ATP4A: variants seen among roughly 807,000 people sequenced by gnomAD.
ATP4A encodes potassium-transporting ATPase alpha chain 1.
In ATP4A, 73 loss-of-function variants were observed where a neutral mutation model predicts 112.1. The observed-to-expected ratio is 0.65, with a 90% CI of 0.54 to 0.79. The LOEUF (loss-of-function observed/expected upper bound fraction) is 0.79, where lower values mean the gene tolerates loss of function less well. ATP4A is among the 30% of genes least tolerant of loss of function. The pLI, the probability that ATP4A is intolerant of heterozygous loss-of-function variation, is 0.00. For missense variants in ATP4A, 1,081 were observed against 1,425.9 expected (o/e 0.76, Z 3.90); for synonymous variants, 588 against 588.9 (o/e 1.00, Z 0.02).
In ATP4A at chr19:35,562,469, T is replaced by C. The variant is rs1191874718; in HGVS notation, c.386A>G (p.Gln129Arg). The C allele has an allele frequency of 6.2e-7, 1 of 1,614,050 alleles. No individual in the cohort carries two copies. The highest frequency in any genetic ancestry group is 8.5e-7 in the Non-Finnish European group (1 of 1,180,034). Residue 129 changes from glutamine (Q) to arginine (R), a missense_variant, in exon 4 of 22, where the codon CAG becomes CGG. Coordinates refer to ENST00000262623, the MANE Select transcript of ATP4A (RefSeq NM_000704.3). ...GGTGGTGAGGTCCCCCTCACTAGCC[T>C]GGATGGCAAAGGCGATGAGGCAGAT... ...AAICLIAFAIQASEGDLTTDD... is the reference protein window; with the variant it reads ...AAICLIAFAIRASEGDLTTDD...
In ATP4A at chr19:35,560,466, CGAG is replaced by C; in HGVS notation, c.681_683del (p.Ser228del). 6.2e-7 allele frequency: 1 copy of C among 1,613,646 alleles called. No individual in the cohort carries two copies. The highest frequency in any genetic ancestry group is 1.1e-5 in the South Asian group (1 of 91,080). The stretch of plus-strand genomic sequence containing the variant: ...TCTGTGGCTCAGACTCCCCTGTCAG[CGAG>C]GAGTTGTCCACCTTGCAGCCCTGGG... On this transcript the variant is annotated inframe_deletion, in exon 6 of 22. Coordinates refer to ENST00000262623, the MANE Select transcript of ATP4A (RefSeq NM_000704.3). This position sits in a 1 kb window ranked among gnomAD's most constrained non-coding sequence, Gnocchi z 5.1.
In ATP4A at chr19:35,558,584, A is replaced by G. The variant is rs1457146122; in HGVS notation, c.1358T>C (p.Val453Ala). Reference protein sequence around the residue: ...AFKSGQDAVPVPKRIVIGDAS... With the variant: ...AFKSGQDAVPAPKRIVIGDAS... ...AGGCCCCCTGGCTCTCACCTTGGGC[A>G]CAGGCACTGCATCCTGGCCGGACTT... Residue 453 changes from valine (V) to alanine (A), a missense_variant, in exon 9 of 22, where the codon GTG (valine) becomes GCG (alanine). Coordinates refer to ENST00000262623, the MANE Select transcript of ATP4A (RefSeq NM_000704.3). This position sits in a 1 kb window ranked among gnomAD's most constrained non-coding sequence, Gnocchi z 5.1. 1.2e-6 allele frequency: 2 copies of G among 1,603,468 alleles called. No individual in the cohort carries two copies. The highest frequency in any genetic ancestry group is 1.7e-6 in the Non-Finnish European group (2 of 1,175,942).
At chr19:35,562,974 C>T (rs143668327) in intron 3 of ATP4A, among the ~76,000 whole-genome samples, 3 of 151,280 alleles carry the variant, frequency 2.0e-5, no homozygotes, top group East Asian at 3.9e-4. Flanking sequence ...CCTTCTCTCC[C>T]TCTCCCTCTC....
At position 35,559,427 on chromosome 19, in the gene ATP4A, C is replaced by T. The variant is rs550695069; in HGVS notation, c.1057-236G>A. The stretch of plus-strand genomic sequence containing the variant: ...AGGCCCCTCTCTGAGCTGTCCCAGC[C>T]GAGGTTCTGAAAATTCTCTTCACAC... On this transcript the variant is annotated intron_variant, in intron 7 of 21. Coordinates refer to ENST00000262623, the MANE Select transcript of ATP4A (RefSeq NM_000704.3). The surrounding 1 kb of genome is among the most constrained non-coding windows in gnomAD (Gnocchi z 4.1). Among the ~76,000 whole-genome samples, 1 of 152,326 alleles carries T rather than the reference C, an allele frequency of 6.6e-6. No individual in the cohort carries two copies. Among genetic ancestry groups the T allele is most frequent in the South Asian group, 2.1e-4 (1 of 4,824 alleles).
chr19:35,550,482 G>A lies in ATP4A; in HGVS notation c.*133C>T. 1 of 1,231,442 alleles carries A rather than the reference G, an allele frequency of 8.1e-7. No homozygotes were observed. 76.3% of individuals were successfully genotyped at this position (1,231,442 alleles called of 1,614,324 possible). ...TCCCTCCAAGTTTGGGGTGCCGTGG[G>A]CTACAGAAGCAGATACTGGTGGGGC... On this transcript the variant is annotated 3_prime_UTR_variant, in exon 22 of 22. Coordinates refer to ENST00000262623, the MANE Select transcript of ATP4A (RefSeq NM_000704.3). The surrounding 1 kb of genome is among the most constrained non-coding windows in gnomAD (Gnocchi z 4.1).
In ATP4A at chr19:35,558,800, G is replaced by A. The variant is rs2071649483; in HGVS notation, c.1256-114C>T. ...CCCCTCCCCAGACCTGGGTGGAATTGGGTTCCACCCAACCCTGAGGGACCC... is the reference window on the plus strand; with the variant it reads ...CCCCTCCCCAGACCTGGGTGGAATTAGGTTCCACCCAACCCTGAGGGACCC... On this transcript the variant is annotated intron_variant, in intron 8 of 21. Coordinates refer to ENST00000262623, the MANE Select transcript of ATP4A (RefSeq NM_000704.3). The surrounding 1 kb of genome is among the most constrained non-coding windows in gnomAD (Gnocchi z 5.1). 7.8e-7 allele frequency: 1 copy of A among 1,284,410 alleles called. No individual in the cohort carries two copies. The highest frequency in any genetic ancestry group is 2.5e-5 in the Admixed American group (1 of 40,448). 79.6% of individuals were successfully genotyped at this position (1,284,410 alleles called of 1,614,324 possible).
Position 35,550,741 on chromosome 19 carries a change from G to A in ATP4A, c.3079+93C>T, listed in dbSNP as rs907457150. On this transcript the variant is annotated intron_variant, in intron 21 of 21. Coordinates refer to ENST00000262623, the MANE Select transcript of ATP4A (RefSeq NM_000704.3). The surrounding 1 kb of genome is among the most constrained non-coding windows in gnomAD (Gnocchi z 4.1). ...AGTGCTGGTTGCTATGGAGGGTCAA[G>A]GGCTTAGAGGCCAAGTGTTGAGGAT... is the stretch of plus-strand genomic sequence containing the variant. The A allele has an allele frequency of 1.2e-6, 2 of 1,607,962 alleles. No individual in the cohort carries two copies. The highest frequency in any genetic ancestry group is 1.3e-5 in the African/African-American group (1 of 74,778).
chr19:35,552,695 C>T (rs1568313016), intron 18 of ATP4A, among the ~76,000 whole-genome samples: 1 of 152,230 alleles, frequency 6.6e-6, no homozygotes, highest in Non-Finnish European at 1.5e-5. Flanking sequence ...TCTAGCCTCA[C>T]TGTGCTCCAA....
rs566478668 is a variant in ATP4A, at chr19:35,553,305, C to T, written c.2606-123G>A. The T allele has an allele frequency of 1.8e-4, 207 of 1,167,692 alleles. No homozygotes were observed. The African/African-American group carries it at 2.8e-3, about 16-fold the overall frequency. 72.3% of individuals were successfully genotyped at this position (1,167,692 alleles called of 1,614,324 possible). A position where few individuals can be genotyped will look rare whatever the true frequency, so the allele number is the denominator to read the frequency against. ...AAGGTCAAGGACACACAGACAGGGACACGGGAAGAGAGACAGGGACACAGA... is the reference window on the plus strand; with the variant it reads ...AAGGTCAAGGACACACAGACAGGGATACGGGAAGAGAGACAGGGACACAGA... On this transcript the variant is annotated intron_variant, in intron 17 of 21. Transcript: ENST00000262623.
rs1404924104 is a variant in ATP4A at position 35,557,592 on chromosome 19, G to A, written c.1693+63C>T. On this transcript the variant is annotated intron_variant, in intron 11 of 21. Coordinates refer to ENST00000262623, the MANE Select transcript of ATP4A (RefSeq NM_000704.3). The surrounding 1 kb of genome is among the most constrained non-coding windows in gnomAD (Gnocchi z 4.4). The stretch of plus-strand genomic sequence containing the variant: ...CGGTCAGGGCTGGGCCGGGAGTGGT[G>A]GGCAGGGTCTGTGCTAGCTCCTCCT... The A allele has an allele frequency of 6.6e-7, 1 of 1,508,908 alleles. No homozygotes were observed. The highest frequency in any genetic ancestry group is 2.1e-5 in the Admixed American group (1 of 48,376). The allele number at this position is 1,508,908 out of a possible 1,614,324, so 93.5% of individuals were successfully genotyped here. A position where few individuals can be genotyped will look rare whatever the true frequency, so the allele number is the denominator to read the frequency against.
At chr19:35,562,827 C>T (rs555901127) in intron 3 of ATP4A, among the ~76,000 whole-genome samples, 189 bp from the exon 4 acceptor site, 2 of 150,328 alleles carry the variant, frequency 1.3e-5, no homozygotes, top group South Asian at 2.1e-4. Flanking sequence ...TTGTCTCTCT[C>T]TCCTCGCTCC....
At chr19:35,562,325 G>A (rs190127527) in intron 4 of ATP4A, 110 bp downstream of exon 4, 133 of 1,299,552 alleles carry the variant, frequency 1.0e-4, no homozygotes, top group African/African-American at 3.1e-4. Flanking sequence ...ACTGCCTTTC[G>A]TGTTCGTCTA....
At chr19:35,554,784 T>G (rs1192830997) in intron 16 of ATP4A, 138 bp downstream of exon 16, 6 of 1,258,286 alleles carry the variant, frequency 4.8e-6, no homozygotes, top group Non-Finnish European at 6.7e-6. Context: ...TGTCCTGCAC[T>G]GGCTGTCATT....
chr19:35,555,027 G>A lies in ATP4A; in HGVS notation c.2376C>T (p.Thr792=), dbSNP rs150844981. 1,030 of 1,613,960 alleles carry A rather than the reference G, an allele frequency of 6.4e-4. No individual in the cohort carries two copies. Among genetic ancestry groups the A allele is most frequent in the Non-Finnish European group, 8.0e-4 (945 of 1,180,012 alleles). ...NLKKSIAYTL[T]KNIPELTPYL... Reference sequence around the variant, plus strand: ...AGGGTGTCAGCTCTGGGATGTTCTTGGTCAATGTGTAGGCAATAGACTTCT... The same window carrying A: ...AGGGTGTCAGCTCTGGGATGTTCTTAGTCAATGTGTAGGCAATAGACTTCT... The change falls in exon 16 of 22, where the codon ACC becomes ACT. Residue 792 remains threonine, a synonymous_variant. Coordinates refer to ENST00000262623, the MANE Select transcript of ATP4A (RefSeq NM_000704.3). The surrounding 1 kb of genome is among the most constrained non-coding windows in gnomAD (Gnocchi z 6.6).
At position 35,553,755 on chromosome 19, in the gene ATP4A, A is replaced by T; in HGVS notation, c.2556T>A (p.Arg852=). ...CCAGGGGCTCGTTGACCAATCTGTCACGCTTTGGGTTGCGTGGACGCAGGT... is the reference window on the plus strand; with the variant it reads ...CCAGGGGCTCGTTGACCAATCTGTCTCGCTTTGGGTTGCGTGGACGCAGGT... ...IMHLRPRNPK[R]DRLVNEPLAA... The change falls in exon 17 of 22, where the codon CGT becomes CGA. Residue 852 remains arginine, a synonymous_variant. Transcript: ENST00000262623. The T allele has an allele frequency of 1.9e-6, 3 of 1,613,170 alleles. No individual in the cohort carries two copies. The highest frequency in any genetic ancestry group is 2.5e-6 in the Non-Finnish European group (3 of 1,179,708).
At chr19:35,553,915 A>C in intron 16 of ATP4A, 86 bp from the exon 17 acceptor site, 5 of 1,499,416 alleles carry the variant, frequency 3.3e-6, no homozygotes, top group Non-Finnish European at 4.5e-6. Context: ...CCCACTTGTG[A>C]GCAGGAACAG....
rs767828363 is a variant in ATP4A at position 35,550,548 on chromosome 19, A to G, written c.*67T>C. ...CTCAGATATCTTGGTGGCTGTCCAG[A>G]GGGTCCCACGAGCCCTGCCCCCACC... On this transcript the variant is annotated 3_prime_UTR_variant, in exon 22 of 22. Transcript: ENST00000262623. This position sits in a 1 kb window ranked among gnomAD's most constrained non-coding sequence, Gnocchi z 4.1. The G allele has an allele frequency of 6.3e-7, 1 of 1,591,940 alleles. No individual in the cohort carries two copies. The highest frequency in any genetic ancestry group is 8.6e-7 in the Non-Finnish European group (1 of 1,161,100).
At position 35,563,368 on chromosome 19, in the gene ATP4A, C is replaced by T; in HGVS notation, c.156+16G>A. 2 of 1,613,684 alleles carry T rather than the reference C, an allele frequency of 1.2e-6. No individual in the cohort carries two copies. Among genetic ancestry groups the T allele is most frequent in the Non-Finnish European group, 1.7e-6 (2 of 1,179,856 alleles). On this transcript the variant is annotated intron_variant, in intron 2 of 21. Transcript: ENST00000262623. ...GCCTACCCTCCAGCTCCCGCCCCTC[C>T]CCAGTCAGAGCTCACAATCTCCATC...
At position 35,550,478 on chromosome 19, in the gene ATP4A, G is replaced by C; in HGVS notation, c.*137C>G. 8.4e-7 allele frequency: 1 copy of C among 1,188,834 alleles called. No individual in the cohort carries two copies. The highest frequency in any genetic ancestry group is 1.2e-6 in the Non-Finnish European group (1 of 837,724). The allele number at this position is 1,188,834 out of a possible 1,614,324, so 73.6% of individuals were successfully genotyped here. ...CAGGTCCCTCCAAGTTTGGGGTGCC[G>C]TGGGCTACAGAAGCAGATACTGGTG... On this transcript the variant is annotated 3_prime_UTR_variant, in exon 22 of 22. Transcript: ENST00000262623. This position sits in a 1 kb window ranked among gnomAD's most constrained non-coding sequence, Gnocchi z 4.1.
Sources: gnomAD v4.1 joint callset for allele counts (sites outside exome capture counted in the v4.1 genomes callset) on GRCh38, gnomAD v4.1.1 for gene constraint, Gnocchi (gnomAD v3.1) non-coding constraint, MANE v1.5 for transcripts, NCBI Gene and HGNC (gene_info 2026-07-23, HGNC 2026-07-21) for gene names.